The following OTOP1 variants were observed in gnomAD, a reference collection of about 807,000 sequenced individuals.
OTOP1 encodes the protein proton channel OTOP1.
OTOP1 carries 59 observed loss-of-function variants against 52.9 expected under a neutral mutation model. The observed-to-expected ratio is 1.12, with a 90% CI of 0.91 to 1.39. The LOEUF is 1.39. Ranked by LOEUF, OTOP1 falls within the 40% of genes most tolerant of loss-of-function variation. The pLI, the probability that OTOP1 is intolerant of heterozygous loss-of-function variation, is 0.00. For missense variants in OTOP1, 761 were observed against 800.9 expected, an observed-to-expected ratio of 0.95 and a Z score of 0.60; for synonymous variants, 317 against 337.7, an observed-to-expected ratio of 0.94 and a Z score of 0.67.
At chr4:4,195,050 G>T (rs764681340) in intron 5 of OTOP1, among the ~76,000 whole-genome samples, 1 of 152,094 alleles carries the variant, frequency 6.6e-6, no homozygotes, top group Non-Finnish European at 1.5e-5. Context: ...CAGCTACTGG[G>T]AGGATCATTC....
chr4:4,222,023 T>C (rs2108806959), intron 1 of OTOP1, among the ~76,000 whole-genome samples: 1 of 152,310 alleles, frequency 6.6e-6, no homozygotes, highest in Non-Finnish European at 1.5e-5. Flanking sequence ...TCCACCCATC[T>C]AGTCATCCAT....
intron 4 of OTOP1, among the ~76,000 whole-genome samples, chr4:4,199,611 C>T (rs1716734783): frequency 6.6e-6 from 1 of 152,092 alleles, no homozygotes; most frequent in African/African-American, 2.4e-5. Context: ...CAGGGTTCCG[C>T]CACGTTGGCT....
At chr4:4,213,030 G>A (rs1297123293) in intron 1 of OTOP1, 26 bp from the exon 2 acceptor site, 2 of 1,608,982 alleles carry the variant, frequency 1.2e-6, no homozygotes, top group South Asian at 1.1e-5. Flanking sequence ...AGGGGGAAGT[G>A]GAAACACACA....
intron 1 of OTOP1, among the ~76,000 whole-genome samples, chr4:4,219,156 A>G (rs1717214908): frequency 6.6e-6 from 1 of 152,226 alleles, no homozygotes; most frequent in South Asian, 2.1e-4. Context: ...TATAAATTAG[A>G]ATGATGTAAA....
At chr4:4,195,979 G>A (rs1466977195) in intron 5 of OTOP1, among the ~76,000 whole-genome samples, 1 of 152,194 alleles carries the variant, frequency 6.6e-6, no homozygotes, top group African/African-American at 2.4e-5. Context: ...CAAGTCTTCA[G>A]TAGGTAGATT....
Position 4,197,305 on chromosome 4 carries a change from T to G in OTOP1, c.1529A>C (p.Asp510Ala). Residue 510 changes from aspartate (D) to alanine (A), a missense_variant, in exon 5 of 6, where the codon GAC becomes GCC. By Grantham distance (126) the Asp-to-Ala change is moderately radical. Coordinates refer to ENST00000296358, the MANE Select transcript of OTOP1 (RefSeq NM_177998.3). Reference protein sequence around the residue: ...NGNVCMRESHDKEEEKQEESS... With the variant: ...NGNVCMRESHAKEEEKQEESS... ...CTCCTCCTGCTTCTCCTCCTCCTTG[T>G]CATGGCTTTCTCTCATGCACACATT... The G allele has an allele frequency of 6.2e-7, 1 of 1,614,154 alleles. No homozygotes were observed. Among genetic ancestry groups the G allele is most frequent in the Non-Finnish European group, 8.5e-7 (1 of 1,180,038 alleles).
At chr4:4,192,321 C>A (rs1716530441) in intron 5 of OTOP1, among the ~76,000 whole-genome samples, 1 of 152,158 alleles carries the variant, frequency 6.6e-6, no homozygotes, top group Admixed American at 6.5e-5. Context: ...AGGCACCAGA[C>A]CACGGAACTT....
At chr4:4,207,928 T>C (rs373824729) in intron 2 of OTOP1, among the ~76,000 whole-genome samples, 14 of 152,090 alleles carry the variant, frequency 9.2e-5, no homozygotes, top group African/African-American at 2.9e-4. Flanking sequence ...TTTATAAAGG[T>C]ATGGGTAGAT....
intron 2 of OTOP1, among the ~76,000 whole-genome samples, chr4:4,210,773 G>T (rs1203819708): frequency 6.6e-6 from 1 of 152,200 alleles, no homozygotes; most frequent in East Asian, 1.9e-4. Flanking sequence ...GGAAGTTGCA[G>T]TGAGCCAAGA....
chr4:4,197,518 T>C lies in OTOP1; in HGVS notation c.1316A>G (p.Gln439Arg). The change falls in exon 5 of 6, where the codon CAG becomes CGG. Residue 439 changes from glutamine (Q) to arginine (R), a missense_variant. Physicochemically the swap from Gln to Arg is conservative, Grantham distance 43 (BLOSUM62 1). Coordinates refer to ENST00000296358, the MANE Select transcript of OTOP1 (RefSeq NM_177998.3). ...SILAIVEKYIQNLFIFESIHR... is the reference protein window; with the variant it reads ...SILAIVEKYIRNLFIFESIHR... ...AATGGATTCAAAGATGAAGAGGTTC[T>C]GGATGTACTTCTCCACGATCGCCAG... The C allele has an allele frequency of 1.2e-6, 2 of 1,614,090 alleles. No individual in the cohort carries two copies. The highest frequency in any genetic ancestry group is 1.7e-6 in the Non-Finnish European group (2 of 1,179,990).
chr4:4,204,712 C>CTGTGTGTGTG (rs10526016), intron 3 of OTOP1, among the ~76,000 whole-genome samples: 10 of 149,890 alleles, frequency 6.7e-5, no homozygotes, highest in Admixed American at 4.0e-4. Flanking sequence ...TTTCCTTCAT[C>CTGTGTGTGTG]TGTGTGTGTG....
At chr4:4,222,412 C>A (rs113600840) in intron 1 of OTOP1, among the ~76,000 whole-genome samples, 1 of 152,078 alleles carries the variant, frequency 6.6e-6, no homozygotes, top group Non-Finnish European at 1.5e-5. Flanking sequence ...TCTGGACTGA[C>A]CCTCCTTTTG....
At chr4:4,226,105 C>T (rs936097954) in intron 1 of OTOP1, among the ~76,000 whole-genome samples, 2 of 152,140 alleles carry the variant, frequency 1.3e-5, no homozygotes, top group East Asian at 1.9e-4. Flanking sequence ...AACGGGCCCT[C>T]GGGGGCCGAG....
At chr4:4,212,749 C>T in intron 2 of OTOP1, 119 bp downstream of exon 2, 1 of 1,110,320 alleles carries the variant, frequency 9.0e-7, no homozygotes, top group Non-Finnish European at 1.3e-6. Context: ...CAGTTCACTG[C>T]AGTTCACAGC....
rs141918416 is a variant in OTOP1, at chr4:4,222,550, G to A, written c.403+3912C>T. Reference sequence around the variant, plus strand: ...ATCTGATTTTTTGGCAGCCACATTCGCTTGTTTGTGTTGAAATCATGACAC... The same window carrying A: ...ATCTGATTTTTTGGCAGCCACATTCACTTGTTTGTGTTGAAATCATGACAC... On this transcript the variant is annotated intron_variant, in intron 1 of 5. Coordinates refer to ENST00000296358, the MANE Select transcript of OTOP1 (RefSeq NM_177998.3). Among the ~76,000 whole-genome samples, 984 of 152,202 alleles carry A rather than the reference G, an allele frequency of 6.5e-3. 7 individuals carry two copies. Among genetic ancestry groups the A allele is most frequent in the African/African-American group, 0.022 (917 of 41,512 alleles).
intron 1 of OTOP1, among the ~76,000 whole-genome samples, chr4:4,223,340 C>T (rs1162610149): frequency 6.6e-6 from 1 of 151,968 alleles, no homozygotes; most frequent in African/African-American, 2.4e-5. Context: ...TGCCAATGCT[C>T]GGAGTCAACC....
At chr4:4,198,551 A>G (rs1716705487) in intron 4 of OTOP1, among the ~76,000 whole-genome samples, 1 of 152,200 alleles carries the variant, frequency 6.6e-6, no homozygotes, top group African/African-American at 2.4e-5. Context: ...CTCTGTGAAG[A>G]TGATTTACAT....
chr4:4,201,853 C>T (rs1041354417), intron 4 of OTOP1, among the ~76,000 whole-genome samples: 50 of 152,160 alleles, frequency 3.3e-4, no homozygotes, highest in African/African-American at 1.2e-3. Flanking sequence ...TTCCCCTCAG[C>T]CTGAATGTTC....
rs2108809311 is a variant in OTOP1 at position 4,226,853 on chromosome 4, G to A, written c.12C>T (p.Gly4=). 3 of 1,335,384 alleles carry A rather than the reference G, an allele frequency of 2.2e-6. No individual in the cohort carries two copies. In the East Asian group the frequency reaches 9.4e-5, roughly 42 times the overall value. 82.7% of individuals were successfully genotyped at this position (1,335,384 alleles called of 1,614,324 possible). Residue 4 remains glycine, a synonymous_variant, in exon 1 of 6, where the codon GGC becomes GGT. Coordinates refer to ENST00000296358, the MANE Select transcript of OTOP1 (RefSeq NM_177998.3). ...CCCGGGGCGAGGCGGGCGACCCCAG[G>A]CCCTCGAGCATCTTCGAGACACCCG... MLE[G]LGSPASPRAA...
Sources: allele counts gnomAD v4.1 joint callset (sites outside exome capture counted in the v4.1 genomes callset), GRCh38; gene constraint gnomAD v4.1.1; transcripts MANE v1.5; gene names NCBI Gene and HGNC (gene_info 2026-07-23, HGNC 2026-07-21).